Variants in MICAL3 observed in about 807,000 individuals in gnomAD.
The protein encoded by MICAL3 is microtubule associated monooxygenase, calponin and LIM domain containing 3.
Under a neutral mutation model 207.4 loss-of-function variants are expected in MICAL3, and 62 were observed. That is an observed-to-expected ratio of 0.30 (90% CI 0.24 to 0.37). The LOEUF is 0.37. Among genes scored for constraint, MICAL3 ranks in the 10% least tolerant of loss-of-function variants. The probability of loss-of-function intolerance (pLI) is 1.00; values close to 1 mark genes in which losing one functional copy is unlikely to be tolerated. For synonymous variants in MICAL3, 1,077 were observed against 1,069.3 expected (o/e 1.01, Z -0.14); for missense variants, 2,368 against 2,635.6 (o/e 0.90, Z 2.22).
intron 25 of MICAL3, among the ~76,000 whole-genome samples, chr22:17,819,859 C>T (rs1378888907): frequency 1.4e-5 from 2 of 144,664 alleles, no homozygotes; most frequent in East Asian, 2.2e-4. Context: ...AGAAGAATGG[C>T]GTGAACCCGG....
intron 1 of MICAL3, among the ~76,000 whole-genome samples, chr22:18,018,740 ATATCTATC>A (rs3083137): frequency 0.35 from 52,553 of 149,830 alleles, 10,085 homozygotes; most frequent in Admixed American, 0.44. Flanking sequence ...AAAATAAAAA[ATATCTATC>A]TATCTATCTA....
intron 27 of MICAL3, among the ~76,000 whole-genome samples, chr22:17,812,239 G>A (rs956593445): frequency 3.9e-5 from 6 of 152,238 alleles, no homozygotes; most frequent in Non-Finnish European, 8.8e-5. Context: ...TCTCTGGGGT[G>A]CCCAGCCCCA....
At chr22:17,888,455 A>AG (rs1240494866) in intron 13 of MICAL3, among the ~76,000 whole-genome samples, 1 of 152,228 alleles carries the variant, frequency 6.6e-6, no homozygotes, top group Non-Finnish European at 1.5e-5. Flanking sequence ...AAGAGAATGC[A>AG]CAGTGACAGG....
intron 16 of MICAL3, among the ~76,000 whole-genome samples, chr22:17,877,306 TGGAGGTTAGGGAGGTTAG>T (rs1569110175): frequency 5.1e-5 from 2 of 38,888 alleles, no homozygotes; most frequent in Non-Finnish European, 1.0e-4. Flanking sequence ...AGGGAGGTTA[TGGAGGTTAGGGAGGTTAG>T]GGAGGTTATG....
intron 16 of MICAL3, among the ~76,000 whole-genome samples, chr22:17,880,654 C>T (rs1440917116): frequency 6.6e-6 from 1 of 151,302 alleles, no homozygotes; most frequent in Non-Finnish European, 1.5e-5. Context: ...CACTGGCCTG[C>T]TGTCCTCACT....
chr22:17,914,441 G>A (rs1428807789), intron 1 of MICAL3, among the ~76,000 whole-genome samples: 1 of 152,090 alleles, frequency 6.6e-6, no homozygotes, highest in African/African-American at 2.4e-5. Context: ...TTGCAGATGG[G>A]GAAAGGCATG....
intron 1 of MICAL3, chr22:18,019,252 AG>A (rs1158489423): frequency 6.5e-6 from 1 of 153,244 alleles, no homozygotes; most frequent in African/African-American, 2.4e-5. Flanking sequence ...CAAACTCCAT[AG>A]ACATTAATGG....
chr22:17,820,859 CTAA>C (rs1347220540), intron 25 of MICAL3, among the ~76,000 whole-genome samples: 2 of 120,760 alleles, frequency 1.7e-5, no homozygotes, highest in Non-Finnish European at 3.6e-5. Context: ...TAAATTTGTT[CTAA>C]TAAATTTTAA....
At position 17,789,309 on chromosome 22, in the gene MICAL3, A is replaced by G. The variant is rs1408685817; in HGVS notation, c.*1423T>C. On this transcript the variant is annotated 3_prime_UTR_variant, in exon 32 of 32. Transcript: ENST00000441493. ...GGAGGAGGGAATTCTCACCAGCCAC[A>G]TGATTCCAGGGTCCCACCTTGCACC... The G allele has an allele frequency of 1.3e-5, 2 of 152,232 alleles. No individual in the cohort carries two copies. The highest frequency in any genetic ancestry group is 2.9e-5 in the Non-Finnish European group (2 of 68,060). 9.4% of individuals were successfully genotyped at this position (152,232 alleles called of 1,614,324 possible). A position where few individuals can be genotyped will look rare whatever the true frequency, so the allele number is the denominator to read the frequency against.
chr22:17,932,960 G>A (rs1471495241), intron 1 of MICAL3, among the ~76,000 whole-genome samples: 1 of 152,174 alleles, frequency 6.6e-6, no homozygotes, highest in Non-Finnish European at 1.5e-5. Context: ...GGAGCACCCA[G>A]ATTCATAAAG....
chr22:18,009,010 G>A (rs1481166305), intron 1 of MICAL3, among the ~76,000 whole-genome samples: 1 of 152,196 alleles, frequency 6.6e-6, no homozygotes, highest in African/African-American at 2.4e-5. Context: ...GTTCAAAATT[G>A]GGTGATTTTT....
chr22:17,889,276 C>T, intron 12 of MICAL3, 46 bp from the exon 13 acceptor site: 1 of 1,441,742 alleles, frequency 6.9e-7, no homozygotes, highest in South Asian at 1.2e-5. Flanking sequence ...GTTGACAGTC[C>T]TTAAACAGAA....
At chr22:17,897,013 G>C (rs1340268311) in intron 7 of MICAL3, 32 bp from the exon 8 acceptor site, 1 of 1,583,534 alleles carries the variant, frequency 6.3e-7, no homozygotes, top group Admixed American at 1.7e-5. Context: ...GGTAGGGATG[G>C]AGAAGCTCTG....
chr22:17,849,456 T>C (rs1925000616), intron 19 of MICAL3, among the ~76,000 whole-genome samples: 1 of 152,146 alleles, frequency 6.6e-6, no homozygotes, highest in Non-Finnish European at 1.5e-5. Context: ...CGTCTCAGCC[T>C]CCTGAGTAGC....
intron 19 of MICAL3, chr22:17,862,956 G>A (rs1926675882): frequency 2.9e-5 from 29 of 985,242 alleles, no homozygotes; most frequent in Non-Finnish European, 3.4e-5. Context: ...TTCTGGCTCA[G>A]AATCAAGAAC....
intron 19 of MICAL3, chr22:17,860,609 A>G (rs1926417071): frequency 1.0e-6 from 1 of 985,512 alleles, no homozygotes; most frequent in African/African-American, 1.7e-5. Context: ...ACTAACCACC[A>G]AAAGATAGGA....
At chr22:17,881,184 G>A in intron 16 of MICAL3, 1 of 1,593,266 alleles carries the variant, frequency 6.3e-7, no homozygotes. Flanking sequence ...ACAGGAACAT[G>A]GAGCATGCAG....
chr22:17,874,047 G>A (rs1160255720), intron 16 of MICAL3, among the ~76,000 whole-genome samples: 1 of 152,254 alleles, frequency 6.6e-6, no homozygotes, highest in Non-Finnish European at 1.5e-5. Context: ...GTGTGAGGAA[G>A]AAACACAGAA....
chr22:17,854,856 A>G (rs1925731259), intron 19 of MICAL3, among the ~76,000 whole-genome samples: 1 of 152,226 alleles, frequency 6.6e-6, no homozygotes, highest in African/African-American at 2.4e-5. Context: ...TGGATGCTAG[A>G]AGCCTCTGAC....
Sources: allele counts gnomAD v4.1 joint callset (sites outside exome capture counted in the v4.1 genomes callset), GRCh38; gene constraint gnomAD v4.1.1; transcripts MANE v1.5; gene names NCBI Gene and HGNC (gene_info 2026-07-23, HGNC 2026-07-21).